The following NAA16 variants were observed in gnomAD, a reference collection of about 807,000 sequenced individuals.
NAA16 encodes the protein NARG1-like protein.
In NAA16, 97 loss-of-function variants were observed where a neutral mutation model predicts 110.3. The ratio of observed to expected loss-of-function variants is 0.88; its 90% CI spans 0.75 to 1.04. The LOEUF is 1.04. NAA16 is among the 50% of genes least tolerant of loss of function. NAA16 has a pLI of 0.00. For synonymous variants in NAA16, 372 were observed against 330.6 expected (o/e 1.13, Z -1.36); for missense variants, 1,017 against 1,005.1 (o/e 1.01, Z -0.16).
chr13:41,332,996 G>A (rs1311023608), intron 8 of NAA16, among the ~76,000 whole-genome samples: 2 of 152,114 alleles, frequency 1.3e-5, no homozygotes, highest in Admixed American at 6.6e-5. Context: ...GGAACATTAA[G>A]TCCAAGTGGA....
At chr13:41,362,829 T>A in intron 13 of NAA16, 5 of 1,289,320 alleles carry the variant, frequency 3.9e-6, no homozygotes, top group Non-Finnish European at 5.1e-6. Context: ...TCGGCACCAC[T>A]GTTCCCATCC....
intron 6 of NAA16, 49 bp from the exon 7 acceptor site, chr13:41,328,675 G>T: frequency 1.3e-6 from 2 of 1,488,286 alleles, no homozygotes; most frequent in Non-Finnish European, 9.3e-7. Context: ...CCTGGGGTCA[G>T]ATAGATATTT....
At chr13:41,338,109 ATT>A (rs1387664395) in intron 9 of NAA16, among the ~76,000 whole-genome samples, 1 of 152,192 alleles carries the variant, frequency 6.6e-6, no homozygotes, top group Admixed American at 6.5e-5. Context: ...ATTTCTCTAG[ATT>A]ATTTAACATT....
At chr13:41,362,884 T>A in intron 13 of NAA16, 1 of 1,236,844 alleles carries the variant, frequency 8.1e-7, no homozygotes, top group Middle Eastern at 3.0e-4. Flanking sequence ...GTGAGCCTGA[T>A]GTCTGCACCG....
chr13:41,312,301 TGCATTTGAGGGGA>T (rs1474976084), intron 1 of NAA16, among the ~76,000 whole-genome samples: 1 of 152,198 alleles, frequency 6.6e-6, no homozygotes, highest in African/African-American at 2.4e-5. Flanking sequence ...TGGCTGGTTT[TGCATTTGAGGGGA>T]GCATTTTTAC....
chr13:41,348,260 C>T (rs1004475571), intron 9 of NAA16, among the ~76,000 whole-genome samples: 1 of 152,060 alleles, frequency 6.6e-6, no homozygotes, highest in Non-Finnish European at 1.5e-5. Context: ...CTCCACCTCG[C>T]GGGTTCAAGC....
chr13:41,372,485 C>G (rs1163207038), intron 16 of NAA16, 174 bp downstream of exon 16: 1 of 985,140 alleles, frequency 1.0e-6, no homozygotes. Context: ...ATAGTACTAT[C>G]AAATCCAGTG....
At chr13:41,338,573 A>T (rs985926600) in intron 9 of NAA16, among the ~76,000 whole-genome samples, 60 of 152,334 alleles carry the variant, frequency 3.9e-4, no homozygotes, top group African/African-American at 1.3e-3. Context: ...TAAACTGCAG[A>T]AAATTGAGCT....
chr13:41,362,609 C>A, intron 13 of NAA16: 2 of 820,730 alleles, frequency 2.4e-6, no homozygotes, highest in Non-Finnish European at 3.5e-6. Context: ...CAATCTATGG[C>A]CAGTTTGCAG....
At position 41,344,421 on chromosome 13, in the gene NAA16, C is replaced by T. The variant is rs150920401; in HGVS notation, c.1014+7665C>T. Among the ~76,000 whole-genome samples the T allele has an allele frequency of 3.1e-3, 479 of 152,304 alleles. 1 individual carries two copies. The highest frequency in any genetic ancestry group is 0.01 in the African/African-American group (430 of 41,552). ...GAAAGTCCTCTTTAGAGCAGTACTT[C>T]TTAATGAGGGTGTTGGGGAGTGGAT... is the stretch of plus-strand genomic sequence containing the variant. On this transcript the variant is annotated intron_variant, in intron 9 of 19. Transcript: ENST00000379406.
Position 41,328,828 on chromosome 13 carries a change from A to G in NAA16, c.796A>G (p.Lys266Glu). Residue 266 changes from lysine (K) to glutamate (E), a missense_variant, in exon 7 of 20, where the codon AAA becomes GAA. Coordinates refer to ENST00000379406, the MANE Select transcript of NAA16 (RefSeq NM_024561.5). Reference protein sequence around the residue: ...ENWCYYEGLEKALQISTLEER... With the variant: ...ENWCYYEGLEEALQISTLEER... ...TTGGTGTTATTATGAAGGCTTGGAA[A>G]AAGCTCTACAAATTAGTATGTAATG... 6.2e-7 allele frequency: 1 copy of G among 1,601,418 alleles called. No homozygotes were observed. Among genetic ancestry groups the G allele is most frequent in the African/African-American group, 1.3e-5 (1 of 74,784 alleles).
intron 8 of NAA16, among the ~76,000 whole-genome samples, chr13:41,336,299 A>G (rs2042379889): frequency 6.6e-6 from 1 of 152,184 alleles, no homozygotes; most frequent in African/African-American, 2.4e-5. Flanking sequence ...AGTAAATGAC[A>G]AGTTGATTTG....
At chr13:41,363,031 T>C (rs1172997701) in intron 13 of NAA16, among the ~76,000 whole-genome samples, 2 of 152,232 alleles carry the variant, frequency 1.3e-5, no homozygotes, top group Non-Finnish European at 2.9e-5. Flanking sequence ...ACCTAATTTT[T>C]GCTCTGTTTT....
intron 9 of NAA16, among the ~76,000 whole-genome samples, chr13:41,346,501 C>T (rs755011922): frequency 2.0e-5 from 3 of 152,100 alleles, no homozygotes; most frequent in African/African-American, 2.4e-5. Flanking sequence ...TTGGGGAAGA[C>T]GCTAGGGTGG....
rs2043392025 is a variant in NAA16 at position 41,374,621 on chromosome 13, C to G, written c.2300-121C>G. On this transcript the variant is annotated intron_variant, in intron 18 of 19. Coordinates refer to ENST00000379406, the MANE Select transcript of NAA16 (RefSeq NM_024561.5). Reference sequence around the variant, plus strand: ...CTTGGCTCTCTTGAGCTGGTAGGAGCCAGCTCCAGCTTACCACTGATTAAA... The same window carrying G: ...CTTGGCTCTCTTGAGCTGGTAGGAGGCAGCTCCAGCTTACCACTGATTAAA... 9.7e-6 allele frequency: 6 copies of G among 620,150 alleles called. No homozygotes were observed. The South Asian group carries it at 1.3e-4, about 14-fold the overall frequency. 38.4% of individuals were successfully genotyped at this position (620,150 alleles called of 1,614,324 possible). A position where few individuals can be genotyped will look rare whatever the true frequency, so the allele number is the denominator to read the frequency against.
intron 9 of NAA16, among the ~76,000 whole-genome samples, chr13:41,339,228 C>CCT (rs1214918314): frequency 2.0e-5 from 3 of 152,116 alleles, no homozygotes; most frequent in Non-Finnish European, 4.4e-5. Flanking sequence ...GAAACCTCTG[C>CCT]CTCCCAATTC....
At chr13:41,318,482 G>A (rs538350739) in intron 2 of NAA16, among the ~76,000 whole-genome samples, 59 of 152,302 alleles carry the variant, frequency 3.9e-4, no homozygotes, top group Middle Eastern at 3.4e-3. Context: ...GATTACAGGC[G>A]TGAGCCATTG....
At chr13:41,359,723 C>T (rs2043072469) in intron 12 of NAA16, among the ~76,000 whole-genome samples, 1 of 151,504 alleles carries the variant, frequency 6.6e-6, no homozygotes, top group Non-Finnish European at 1.5e-5. Context: ...GCAAACCTTT[C>T]ACACTTATAC....
At chr13:41,330,229 G>A (rs548092244) in intron 7 of NAA16, among the ~76,000 whole-genome samples, 2 of 150,918 alleles carry the variant, frequency 1.3e-5, no homozygotes, top group East Asian at 3.9e-4. Context: ...ACATATCCTT[G>A]GTCTTAAAAT....
Sources: allele counts gnomAD v4.1 joint callset (sites outside exome capture counted in the v4.1 genomes callset), GRCh38; gene constraint gnomAD v4.1.1; transcripts MANE v1.5; gene names NCBI Gene and HGNC (gene_info 2026-07-23, HGNC 2026-07-21).